Variants in SPIDR observed in about 807,000 individuals in gnomAD.
The protein encoded by SPIDR is DNA repair-scaffolding protein.
SPIDR carries 93 observed loss-of-function variants against 104.6 expected under a neutral mutation model. That is an observed-to-expected ratio of 0.89 (90% CI 0.75 to 1.06). The LOEUF (loss-of-function observed/expected upper bound fraction) is 1.06. SPIDR is among the 50% of genes least tolerant of loss of function. SPIDR has a pLI of 0.00. For synonymous variants in SPIDR, 431 were observed against 416.9 expected (o/e 1.03, Z -0.41); for missense variants, 1,154 against 1,111.2 (o/e 1.04, Z -0.55).
intron 11 of SPIDR, among the ~76,000 whole-genome samples, chr8:47,676,064 A>G (rs1458596456): frequency 6.6e-6 from 1 of 152,230 alleles, no homozygotes; most frequent in Non-Finnish European, 1.5e-5. Context: ...GGGGAAGGAC[A>G]CAGCCAGACA....
chr8:47,267,372 TTCTC>T (rs1554547625), intron 1 of SPIDR, among the ~76,000 whole-genome samples: 1 of 152,230 alleles, frequency 6.6e-6, no homozygotes, highest in African/African-American at 2.4e-5. Flanking sequence ...AAGTTTTTCT[TTCTC>T]TAGCAGTGGA....
intron 8 of SPIDR, among the ~76,000 whole-genome samples, chr8:47,452,167 C>G (rs540374556): frequency 2.6e-5 from 4 of 152,196 alleles, no homozygotes; most frequent in African/African-American, 4.8e-5. Context: ...TTGAAAGCAG[C>G]AAGAGAGAGG....
At chr8:47,449,479 T>G (rs1195147516) in intron 8 of SPIDR, among the ~76,000 whole-genome samples, 2 of 152,196 alleles carry the variant, frequency 1.3e-5, no homozygotes, top group Non-Finnish European at 2.9e-5. Flanking sequence ...ACTGCTTTGG[T>G]TCCTGTTTTA....
At chr8:47,298,259 T>C (rs1336767745) in intron 5 of SPIDR, among the ~76,000 whole-genome samples, 1 of 152,240 alleles carries the variant, frequency 6.6e-6, no homozygotes, top group East Asian at 1.9e-4. Context: ...ATGTCTTCTT[T>C]TGAGAAGTGT....
intron 5 of SPIDR, among the ~76,000 whole-genome samples, chr8:47,355,382 G>A (rs782713084): frequency 3.5e-5 from 5 of 142,254 alleles, no homozygotes; most frequent in African/African-American, 1.3e-4. Context: ...CATTATGTCC[G>A]TATTCATTAA....
intron 10 of SPIDR, chr8:47,654,249 G>T: frequency 8.7e-7 from 1 of 1,151,066 alleles, no homozygotes; most frequent in South Asian, 1.3e-5. Context: ...TAAGAGACAG[G>T]TTGGGAAGCA....
chr8:47,489,927 A>G (rs1373922691), intron 8 of SPIDR, among the ~76,000 whole-genome samples: 3 of 152,192 alleles, frequency 2.0e-5, no homozygotes, highest in Non-Finnish European at 2.9e-5. Context: ...AATACCATTC[A>G]GGACATAGGC....
Position 47,440,453 on chromosome 8 carries a change from T to C in SPIDR, c.1008T>C (p.Pro336=), listed in dbSNP as rs1214924737. The C allele has an allele frequency of 1.2e-6, 2 of 1,614,112 alleles. No individual in the cohort carries two copies. The highest frequency in any genetic ancestry group is 2.7e-5 in the African/African-American group (2 of 74,948). ...CCTCCCAAAGTGTGGCTCCCAGGCC[T>C]GGAGCTGGCCTGAAAGTTCTCTTCA... ...TSSSQSVAPR[P]GAGLKVLFTK... Residue 336 remains proline, a synonymous_variant, in exon 8 of 20, where the codon CCT becomes CCC. Transcript: ENST00000297423.
chr8:47,357,429 T>C lies in SPIDR; in HGVS notation c.526-38947T>C, dbSNP rs1587624628. On this transcript the variant is annotated intron_variant, in intron 5 of 19. Transcript: ENST00000297423. The stretch of plus-strand genomic sequence containing the variant: ...TGCTCAGTGTATGTCTCGTGGTTAC[T>C]TGAGACATCCACCAGGCTTAGCTCT... 2.0e-5 allele frequency among the ~76,000 whole-genome samples: 3 copies of C among 152,266 alleles called. No individual in the cohort carries two copies. The Middle Eastern group carries it at 0.01, about 518-fold the overall frequency.
At chr8:47,334,932 A>G (rs1351838792) in intron 5 of SPIDR, among the ~76,000 whole-genome samples, 1 of 152,132 alleles carries the variant, frequency 6.6e-6, no homozygotes, top group Non-Finnish European at 1.5e-5. Context: ...TGGTTGCCTT[A>G]GAGTTTGCAG....
chr8:47,592,935 G>A (rs572118246), intron 8 of SPIDR, among the ~76,000 whole-genome samples: 1 of 152,166 alleles, frequency 6.6e-6, no homozygotes, highest in South Asian at 2.1e-4. Flanking sequence ...TGCCCGGGTT[G>A]GAGTGCAATG....
intron 8 of SPIDR, among the ~76,000 whole-genome samples, chr8:47,582,060 T>C (rs1356019166): frequency 6.6e-6 from 1 of 152,044 alleles, no homozygotes; most frequent in Admixed American, 6.5e-5. Context: ...CTACTAAAAA[T>C]ACAAAAATTA....
intron 5 of SPIDR, chr8:47,361,063 T>C (rs2055797924): frequency 1.2e-6 from 1 of 811,826 alleles, no homozygotes; most frequent in African/African-American, 1.9e-5. Context: ...GATAAATGGA[T>C]TACATGACCA....
intron 1 of SPIDR, among the ~76,000 whole-genome samples, chr8:47,277,814 A>C (rs979797295): frequency 1.5e-4 from 23 of 151,638 alleles, no homozygotes; most frequent in Non-Finnish European, 3.1e-4. Flanking sequence ...AGCTGGGACT[A>C]CAGGCGCACA....
chr8:47,296,380 G>A (rs2040844976), intron 5 of SPIDR, among the ~76,000 whole-genome samples: 1 of 152,132 alleles, frequency 6.6e-6, no homozygotes, highest in Non-Finnish European at 1.5e-5. Context: ...TTTTATTTCA[G>A]TAGCTTTACA....
intron 6 of SPIDR, among the ~76,000 whole-genome samples, chr8:47,399,854 C>T (rs1554661217): frequency 6.6e-6 from 1 of 152,130 alleles, no homozygotes; most frequent in African/African-American, 2.4e-5. Context: ...AAAGGTTGGT[C>T]AAACACTTAC....
intron 8 of SPIDR, among the ~76,000 whole-genome samples, chr8:47,446,664 G>A (rs1044726573): frequency 6.7e-6 from 1 of 150,196 alleles, no homozygotes; most frequent in Non-Finnish European, 1.5e-5. Flanking sequence ...TCAGCTTACT[G>A]CAACCTCCGC....
intron 5 of SPIDR, among the ~76,000 whole-genome samples, chr8:47,377,677 A>G (rs549145565): frequency 3.8e-4 from 58 of 152,304 alleles, no homozygotes; most frequent in Non-Finnish European, 6.9e-4. Context: ...TTTCACCATA[A>G]AGTATGTTGT....
intron 14 of SPIDR, among the ~76,000 whole-genome samples, chr8:47,709,709 AAT>A (rs1474423581): frequency 6.6e-6 from 1 of 152,090 alleles, no homozygotes; most frequent in African/African-American, 2.4e-5. Flanking sequence ...ATAGTAGGAC[AAT>A]TTTATAGTTA....
Sources: gnomAD v4.1 joint callset for allele counts (sites outside exome capture counted in the v4.1 genomes callset) on GRCh38, gnomAD v4.1.1 for gene constraint, MANE v1.5 for transcripts, NCBI Gene and HGNC (gene_info 2026-07-23, HGNC 2026-07-21) for gene names.